Variants in ADGRL3 observed in about 807,000 individuals in gnomAD.
ADGRL3 encodes the protein adhesion G protein-coupled receptor L3.
Under a neutral mutation model 153.5 loss-of-function variants are expected in ADGRL3, and 62 were observed. The ratio of observed to expected loss-of-function variants is 0.40; its 90% CI spans 0.33 to 0.50. The LOEUF is 0.50. ADGRL3 is among the 20% of genes least tolerant of loss of function. The pLI is 0.47. For missense variants in ADGRL3, 1,641 were observed against 1,859.4 expected (o/e 0.88, Z 2.16); for synonymous variants, 710 against 672.5 (o/e 1.06, Z -0.86).
At chr4:61,611,773 G>T (rs13108954) in intron 5 of ADGRL3, among the ~76,000 whole-genome samples, 140,879 of 151,894 alleles carry the variant, frequency 0.93, 65,685 homozygotes, top group Middle Eastern at 0.99. Context: ...ATTTAACAAT[G>T]TATTGGGTGT....
intron 1 of ADGRL3, among the ~76,000 whole-genome samples, chr4:61,381,562 G>A (rs1374364442): frequency 6.6e-6 from 1 of 151,862 alleles, no homozygotes; most frequent in Admixed American, 6.6e-5. Flanking sequence ...GGGTTTGGTA[G>A]TATCAGGGAG....
chr4:61,277,109 A>C (rs1487344708), intron 1 of ADGRL3, among the ~76,000 whole-genome samples: 1 of 152,102 alleles, frequency 6.6e-6, no homozygotes, highest in East Asian at 1.9e-4. Context: ...AGTTTATAAG[A>C]CCTACATAAT....
chr4:61,243,889 T>C (rs1164549701), intron 1 of ADGRL3, among the ~76,000 whole-genome samples: 1 of 152,108 alleles, frequency 6.6e-6, no homozygotes, highest in East Asian at 1.9e-4. Context: ...AACCACACTA[T>C]TAAGATTCAG....
intron 6 of ADGRL3, among the ~76,000 whole-genome samples, chr4:61,694,173 G>T (rs1561075038): frequency 1.8e-4 from 13 of 73,784 alleles, no homozygotes; most frequent in South Asian, 8.0e-4. Flanking sequence ...TTAAAATTTT[G>T]TCATTATTTT....
chr4:61,520,682 G>GTGTGTGTGTGTGTGTGTGTGTGTCTGTC (rs763505931), intron 4 of ADGRL3, among the ~76,000 whole-genome samples: 24 of 123,468 alleles, frequency 1.9e-4, no homozygotes, highest in Admixed American at 6.5e-4. Flanking sequence ...GTGTGTGTGT[G>GTGTGTGTGTGTGTGTGTGTGTGTCTGTC]TGTCTGTCTG....
rs139646212 is a variant in ADGRL3, at chr4:61,658,355, T to A, written c.474-18471T>A. On this transcript the variant is annotated intron_variant, in intron 5 of 26. Coordinates refer to ENST00000683033, the MANE Select transcript of ADGRL3 (RefSeq NM_001387552.1). ...GTGAGACTGTATTGTTCCTTGCTTATAACATATTCTGTGATTCCATATAAT... is the reference window on the plus strand; with the variant it reads ...GTGAGACTGTATTGTTCCTTGCTTAAAACATATTCTGTGATTCCATATAAT... 7.0e-3 allele frequency among the ~76,000 whole-genome samples: 1,067 copies of A among 152,262 alleles called. 15 individuals carry two copies. The highest frequency in any genetic ancestry group is 8.5e-3 in the Non-Finnish European group (579 of 67,990).
chr4:61,298,143 T>C (rs1262215724), intron 1 of ADGRL3, among the ~76,000 whole-genome samples: 1 of 152,164 alleles, frequency 6.6e-6, no homozygotes, highest in East Asian at 1.9e-4. Context: ...CTAATTAAAT[T>C]GAGTATGTTT....
At chr4:61,904,152 T>A (rs1186936906) in intron 11 of ADGRL3, among the ~76,000 whole-genome samples, 1 of 148,160 alleles carries the variant, frequency 6.7e-6, no homozygotes, top group Admixed American at 7.0e-5. Flanking sequence ...CCAGGCTCTT[T>A]TGAAGGATTA....
chr4:62,064,374 T>C (rs893377184), intron 25 of ADGRL3, among the ~76,000 whole-genome samples: 1 of 151,206 alleles, frequency 6.6e-6, no homozygotes, highest in African/African-American at 2.4e-5. Context: ...TTAAAACCAC[T>C]TACAATGTAA....
intron 1 of ADGRL3, among the ~76,000 whole-genome samples, chr4:61,308,321 G>A (rs1057456267): frequency 6.6e-6 from 1 of 152,278 alleles, no homozygotes; most frequent in Admixed American, 6.5e-5. Flanking sequence ...AGAATGGAAG[G>A]GTTGCTGGAA....
intron 6 of ADGRL3, among the ~76,000 whole-genome samples, chr4:61,718,382 A>G (rs1018360537): frequency 6.6e-6 from 1 of 152,342 alleles, no homozygotes; most frequent in South Asian, 2.1e-4. Flanking sequence ...CTTTAAGTGA[A>G]TATTTCACAG....
At chr4:61,764,452 C>A (rs150740071) in intron 8 of ADGRL3, among the ~76,000 whole-genome samples, 1 of 123,578 alleles carries the variant, frequency 8.1e-6, no homozygotes, top group African/African-American at 4.3e-5. Flanking sequence ...GAGTGGGGGT[C>A]GCAAGGTGCT....
intron 1 of ADGRL3, among the ~76,000 whole-genome samples, chr4:61,262,888 A>G (rs1345045332): frequency 6.6e-6 from 1 of 152,100 alleles, no homozygotes; most frequent in African/African-American, 2.4e-5. Context: ...ACTCAACCAG[A>G]GAAGGATATA....
chr4:61,882,333 C>T (rs551500302), intron 9 of ADGRL3, among the ~76,000 whole-genome samples: 9 of 152,190 alleles, frequency 5.9e-5, no homozygotes, highest in South Asian at 2.1e-4. Flanking sequence ...CAAAAGCCAC[C>T]GCCACGTGTC....
intron 24 of ADGRL3, among the ~76,000 whole-genome samples, chr4:62,038,629 T>TC (rs1218344793): frequency 6.6e-6 from 1 of 152,100 alleles, no homozygotes; most frequent in Non-Finnish European, 1.5e-5. Flanking sequence ...TGAGACAGAG[T>TC]CTCACTCTGT....
chr4:61,307,802 A>G (rs1560455360), intron 1 of ADGRL3, among the ~76,000 whole-genome samples: 3 of 152,224 alleles, frequency 2.0e-5, no homozygotes, highest in Non-Finnish European at 4.4e-5. Flanking sequence ...TAATCCAGTC[A>G]TTGGATAATT....
At position 61,353,032 on chromosome 4, in the gene ADGRL3, A is replaced by T. The variant is rs563775079; in HGVS notation, c.-239-30092A>T. Reference sequence around the variant, plus strand: ...GGCCCGAGGTTCGAAAATCCTATGAAAGGGATCTTTTTGGCTCAGTTACCG... The same window carrying T: ...GGCCCGAGGTTCGAAAATCCTATGATAGGGATCTTTTTGGCTCAGTTACCG... On this transcript the variant is annotated intron_variant, in intron 1 of 26. Transcript: ENST00000683033. Among the ~76,000 whole-genome samples the T allele has an allele frequency of 2.6e-5, 4 of 152,306 alleles. No homozygotes were observed. The South Asian group carries it at 8.3e-4, about 32-fold the overall frequency.
chr4:61,803,448 A>G (rs763340205), intron 8 of ADGRL3, among the ~76,000 whole-genome samples: 5 of 152,150 alleles, frequency 3.3e-5, no homozygotes, highest in African/African-American at 4.8e-5. Flanking sequence ...AGTCTGTGAT[A>G]TGAGAGAAAG....
intron 8 of ADGRL3, among the ~76,000 whole-genome samples, chr4:61,809,720 G>A (rs529781829): frequency 6.6e-6 from 1 of 151,386 alleles, no homozygotes; most frequent in South Asian, 2.1e-4. Flanking sequence ...TAAGAATATG[G>A]ACTCTCATTT....
Sources: allele counts gnomAD v4.1 joint callset (sites outside exome capture counted in the v4.1 genomes callset), GRCh38; gene constraint gnomAD v4.1.1; transcripts MANE v1.5; gene names NCBI Gene and HGNC (gene_info 2026-07-23, HGNC 2026-07-21).